Variants in CACNA2D3 observed in about 807,000 individuals in gnomAD.
CACNA2D3 encodes the protein calcium voltage-gated channel auxiliary subunit alpha2delta 3.
In CACNA2D3, 60 loss-of-function variants were observed where a neutral mutation model predicts 160.6. The ratio of observed to expected loss-of-function variants is 0.37; its 90% CI spans 0.30 to 0.46. The LOEUF (loss-of-function observed/expected upper bound fraction) is 0.46. Ranked by LOEUF, CACNA2D3 falls within the 20% of genes least tolerant of loss-of-function variation. The pLI is 1.00. For synonymous variants in CACNA2D3, 558 were observed against 492.9 expected (o/e 1.13, Z -1.75); for missense variants, 1,205 against 1,365.0 (o/e 0.88, Z 1.85).
At chr3:54,900,579 C>A (rs1700304075) in intron 27 of CACNA2D3, among the ~76,000 whole-genome samples, 1 of 152,136 alleles carries the variant, frequency 6.6e-6, no homozygotes, top group African/African-American at 2.4e-5. Context: ...GTGTGTCTGG[C>A]ACATGGTTTA....
chr3:54,416,369 T>G (rs1262762685), intron 4 of CACNA2D3, among the ~76,000 whole-genome samples: 1 of 152,158 alleles, frequency 6.6e-6, no homozygotes, highest in African/African-American at 2.4e-5. Flanking sequence ...AGGATTCTTT[T>G]TGTCCCTTTT....
chr3:54,405,401 C>A (rs1448868672), intron 4 of CACNA2D3, among the ~76,000 whole-genome samples: 1 of 151,810 alleles, frequency 6.6e-6, no homozygotes, highest in Admixed American at 6.6e-5. Context: ...GGATAGAGAG[C>A]CCAGAAATAA....
chr3:54,975,614 C>T (rs969144426), intron 29 of CACNA2D3, among the ~76,000 whole-genome samples: 1 of 151,272 alleles, frequency 6.6e-6, no homozygotes, highest in African/African-American at 2.4e-5. Flanking sequence ...CTGGCCAGTT[C>T]TCCGCCTTGT....
At chr3:54,889,236 G>A (rs552101468) in intron 24 of CACNA2D3, among the ~76,000 whole-genome samples, 5 of 152,204 alleles carry the variant, frequency 3.3e-5, no homozygotes, top group Non-Finnish European at 5.9e-5. Context: ...TATACTCAGA[G>A]CAGTGGAAGA....
chr3:54,711,238 C>G (rs1700946751), intron 11 of CACNA2D3, among the ~76,000 whole-genome samples: 1 of 152,186 alleles, frequency 6.6e-6, no homozygotes, highest in Non-Finnish European at 1.5e-5. Flanking sequence ...AAGACTGTGC[C>G]TCAGCGCTCC....
intron 3 of CACNA2D3, among the ~76,000 whole-genome samples, chr3:54,329,026 C>T (rs1264469656): frequency 6.6e-6 from 1 of 152,180 alleles, no homozygotes; most frequent in African/African-American, 2.4e-5. Context: ...CAGCCCCTCT[C>T]ACCGGGAAGG....
intron 9 of CACNA2D3, among the ~76,000 whole-genome samples, chr3:54,603,141 A>G (rs1015936477): frequency 6.6e-6 from 1 of 152,216 alleles, no homozygotes. Context: ...AGTCAGTTGC[A>G]CTGGACACAG....
Position 54,629,792 on chromosome 3 carries a change from A to G in CACNA2D3, c.1053+1916A>G, listed in dbSNP as rs540189183. Among the ~76,000 whole-genome samples, 4 of 152,220 alleles carry G rather than the reference A, an allele frequency of 2.6e-5. No homozygotes were observed. The South Asian group carries it at 8.3e-4, about 32-fold the overall frequency. ...CAGTTTGAAAATTCCCTCTCGTTTT[A>G]TCTCAAAAACCTAGTGGCCAGAGCA... On this transcript the variant is annotated intron_variant, in intron 10 of 37. Coordinates refer to ENST00000474759, the MANE Select transcript of CACNA2D3 (RefSeq NM_018398.3).
intron 11 of CACNA2D3, among the ~76,000 whole-genome samples, chr3:54,672,115 CAGG>C (rs2106899729): frequency 6.6e-6 from 1 of 152,332 alleles, no homozygotes; most frequent in African/African-American, 2.4e-5. Context: ...ATGTGAGTAT[CAGG>C]AGACCTCATT....
chr3:54,532,639 T>C (rs767048399), intron 5 of CACNA2D3, among the ~76,000 whole-genome samples: 1 of 152,198 alleles, frequency 6.6e-6, no homozygotes, highest in Non-Finnish European at 1.5e-5. Flanking sequence ...ATTTCATTCT[T>C]TTTATGGGTG....
chr3:54,126,181 T>G (rs1356548087), intron 2 of CACNA2D3, among the ~76,000 whole-genome samples: 2 of 152,268 alleles, frequency 1.3e-5, no homozygotes, highest in Non-Finnish European at 2.9e-5. Flanking sequence ...CAATATAGTG[T>G]GTTCATTTTT....
At chr3:54,363,284 C>T (rs774791775) in intron 3 of CACNA2D3, among the ~76,000 whole-genome samples, 5 of 152,056 alleles carry the variant, frequency 3.3e-5, no homozygotes, top group African/African-American at 1.2e-4. Flanking sequence ...CACACATACA[C>T]GATCGGACAA....
chr3:54,867,528 T>TAAA (rs10663088), intron 17 of CACNA2D3, among the ~76,000 whole-genome samples: 64,160 of 137,382 alleles, frequency 0.47, 15,877 homozygotes, highest in East Asian at 0.81. Context: ...AAGCCAGCTT[T>TAAA]AAAAAAAAAA....
intron 35 of CACNA2D3, among the ~76,000 whole-genome samples, chr3:55,060,857 T>C (rs1207606656): frequency 6.6e-6 from 1 of 152,224 alleles, no homozygotes; most frequent in Admixed American, 6.5e-5. Context: ...TCCCTTCCTC[T>C]GGGATAAGAA....
intron 29 of CACNA2D3, among the ~76,000 whole-genome samples, chr3:54,977,758 A>G (rs778284875): frequency 2.6e-4 from 40 of 152,170 alleles, no homozygotes; most frequent in African/African-American, 8.2e-4. Flanking sequence ...AGGGATCCCA[A>G]TCCAGACCCC....
chr3:54,807,707 A>G (rs1575486739), intron 13 of CACNA2D3, among the ~76,000 whole-genome samples: 1 of 152,038 alleles, frequency 6.6e-6, no homozygotes, highest in African/African-American at 2.4e-5. Flanking sequence ...ATTACTGGTT[A>G]TATACCCAAA....
intron 4 of CACNA2D3, among the ~76,000 whole-genome samples, chr3:54,451,076 C>T (rs933614151): frequency 6.6e-6 from 1 of 152,104 alleles, no homozygotes; most frequent in Non-Finnish European, 1.5e-5. Flanking sequence ...GAGAATCATT[C>T]TCTGTGGTTC....
At chr3:54,927,434 A>G (rs1701053932) in intron 27 of CACNA2D3, among the ~76,000 whole-genome samples, 1 of 152,224 alleles carries the variant, frequency 6.6e-6, no homozygotes, top group African/African-American at 2.4e-5. Flanking sequence ...TCTTCCCCTC[A>G]GTAATGAACG....
chr3:54,503,416 C>T lies in CACNA2D3; in HGVS notation c.382-76C>T, dbSNP rs1466784299. On this transcript the variant is annotated intron_variant, in intron 4 of 37. Transcript: ENST00000474759. ...CCACAGTGTAAGGGATGGCACATGG[C>T]CTGTGCCCAGGTCTAAGTGAGTTCA... 4 of 1,321,600 alleles carry T rather than the reference C, an allele frequency of 3.0e-6. No homozygotes were observed. In the East Asian group the frequency reaches 9.2e-5, roughly 30 times the overall value. The allele number at this position is 1,321,600 out of a possible 1,614,324, so 81.9% of individuals were successfully genotyped here. A position where few individuals can be genotyped will look rare whatever the true frequency, so the allele number is the denominator to read the frequency against.
Sources: allele counts gnomAD v4.1 joint callset (sites outside exome capture counted in the v4.1 genomes callset), GRCh38; gene constraint gnomAD v4.1.1; transcripts MANE v1.5; gene names NCBI Gene and HGNC (gene_info 2026-07-23, HGNC 2026-07-21).